The following KIRREL3 variants were observed in gnomAD, a reference collection of about 807,000 sequenced individuals.
KIRREL3 encodes the protein kirre like nephrin family adhesion molecule 3, also known as kin of IRRE-like protein 3.
A neutral mutation model predicts 89.7 loss-of-function variants in KIRREL3; 36 were observed. The ratio of observed to expected loss-of-function variants is 0.40; its 90% CI spans 0.31 to 0.53. KIRREL3 has a LOEUF of 0.53. Ranked by LOEUF, KIRREL3 falls within the 20% of genes least tolerant of loss-of-function variation. The pLI is 0.49. For missense variants in KIRREL3, 864 were observed against 1,056.6 expected (o/e 0.82, Z 2.53); for synonymous variants, 445 against 441.4 (o/e 1.01, Z -0.10).
rs550796501 is a variant in KIRREL3 at position 126,797,949 on chromosome 11, G to A, written c.55+202506C>T. ...TATGGACACTGCAAAGTAACACATGGGCTGTTTGTGCTTTTGCTAACTCCT... is the reference window on the plus strand; with the variant it reads ...TATGGACACTGCAAAGTAACACATGAGCTGTTTGTGCTTTTGCTAACTCCT... On this transcript the variant is annotated intron_variant, in intron 1 of 16. Transcript: ENST00000525144. The surrounding 1 kb of genome is among the most constrained non-coding windows in gnomAD (Gnocchi z 4.9). 1.3e-5 allele frequency among the ~76,000 whole-genome samples: 2 copies of A among 152,278 alleles called. No homozygotes were observed. The highest frequency in any genetic ancestry group is 1.3e-4 in the Admixed American group (2 of 15,296).
In KIRREL3 at chr11:126,812,731, T is replaced by C. The variant is rs754329376; in HGVS notation, c.55+187724A>G. ...TTGTTGGGATGAGTGGCTCTGTCAC[T>C]CTTTCACTGAGACCAAGGCTCAGGC... On this transcript the variant is annotated intron_variant, in intron 1 of 16. Transcript: ENST00000525144. The surrounding 1 kb of genome is among the most constrained non-coding windows in gnomAD (Gnocchi z 5.2). 1.3e-5 allele frequency among the ~76,000 whole-genome samples: 2 copies of C among 152,208 alleles called. No individual in the cohort carries two copies. The highest frequency in any genetic ancestry group is 4.8e-5 in the African/African-American group (2 of 41,448).
intron 1 of KIRREL3, among the ~76,000 whole-genome samples, chr11:126,633,326 C>T (rs548717460): frequency 6.6e-6 from 1 of 152,188 alleles, no homozygotes; most frequent in African/African-American, 2.4e-5. Context: ...CAAGTCTGCA[C>T]ACCTATCTCA....
rs1265276506 is a variant in KIRREL3 at position 126,953,800 on chromosome 11, T to C, written c.55+46655A>G. Reference sequence around the variant, plus strand: ...TCAGAGGTCTCTCAAACAGCTTTTCTGATATACTGTTTTTATATAAATTCT... The same window carrying C: ...TCAGAGGTCTCTCAAACAGCTTTTCCGATATACTGTTTTTATATAAATTCT... On this transcript the variant is annotated intron_variant, in intron 1 of 16. Transcript: ENST00000525144. This position sits in a 1 kb window ranked among gnomAD's most constrained non-coding sequence, Gnocchi z 5.2. 6.6e-6 allele frequency among the ~76,000 whole-genome samples: 1 copy of C among 152,230 alleles called. No homozygotes were observed. The highest frequency in any genetic ancestry group is 1.5e-5 in the Non-Finnish European group (1 of 68,034).
At chr11:126,962,568 A>G (rs1052622156) in intron 1 of KIRREL3, among the ~76,000 whole-genome samples, 1 of 152,214 alleles carries the variant, frequency 6.6e-6, no homozygotes, top group Non-Finnish European at 1.5e-5. Flanking sequence ...CTCAGTGCAG[A>G]TGCTATAAAC....
At position 126,918,418 on chromosome 11, in the gene KIRREL3, G is replaced by T. The variant is rs987060225; in HGVS notation, c.55+82037C>A. 6.6e-6 allele frequency among the ~76,000 whole-genome samples: 1 copy of T among 152,226 alleles called. No homozygotes were observed. Among genetic ancestry groups the T allele is most frequent in the Non-Finnish European group, 1.5e-5 (1 of 68,028 alleles). ...TTTAGACCATCCAGGTAGTTTTAGC[G>T]TAAGGAGTGAAGTCTTTGTAAACTA... On this transcript the variant is annotated intron_variant, in intron 1 of 16. Coordinates refer to ENST00000525144, the MANE Select transcript of KIRREL3 (RefSeq NM_032531.4). The surrounding 1 kb of genome is among the most constrained non-coding windows in gnomAD (Gnocchi z 6.5).
chr11:126,540,204 T>A (rs568068942), intron 2 of KIRREL3, among the ~76,000 whole-genome samples: 1 of 152,238 alleles, frequency 6.6e-6, no homozygotes. Flanking sequence ...CATCGCCACC[T>A]GCAGCCATTG....
At chr11:126,470,698 G>C (rs576113582) in intron 5 of KIRREL3, among the ~76,000 whole-genome samples, 5 of 152,312 alleles carry the variant, frequency 3.3e-5, no homozygotes, top group African/African-American at 1.2e-4. Flanking sequence ...CGGGCGTTCT[G>C]GAGGCTGGGC....
intron 1 of KIRREL3, among the ~76,000 whole-genome samples, chr11:126,856,168 G>A (rs1944499800): frequency 6.6e-6 from 1 of 152,116 alleles, no homozygotes; most frequent in Non-Finnish European, 1.5e-5. Flanking sequence ...AAAGGCTCTG[G>A]AAAATTCCAC....
chr11:126,961,310 T>C (rs1949079570), intron 1 of KIRREL3, among the ~76,000 whole-genome samples: 1 of 152,206 alleles, frequency 6.6e-6, no homozygotes, highest in Non-Finnish European at 1.5e-5. Flanking sequence ...TCAGCCAAGT[T>C]GTGAATGCAA....
At chr11:126,794,074 T>C (rs1196297240) in intron 1 of KIRREL3, among the ~76,000 whole-genome samples, 4 of 152,240 alleles carry the variant, frequency 2.6e-5, no homozygotes, top group Non-Finnish European at 1.5e-5. Context: ...GAAAATATTA[T>C]AGTATGCTTT....
chr11:126,616,034 C>T (rs1943331850), intron 1 of KIRREL3, among the ~76,000 whole-genome samples: 1 of 152,140 alleles, frequency 6.6e-6, no homozygotes, highest in African/African-American at 2.4e-5. Flanking sequence ...TGTCCGTTCA[C>T]TTCACATAGA....
In KIRREL3 at chr11:126,703,453, T is replaced by C. The variant is rs769188246; in HGVS notation, c.56-140541A>G. Among the ~76,000 whole-genome samples, 9 of 152,232 alleles carry C rather than the reference T, an allele frequency of 5.9e-5. No homozygotes were observed. The highest frequency in any genetic ancestry group is 1.0e-4 in the Non-Finnish European group (7 of 68,044). ...ATGTGCCAGGCTCTGTGCTAAGTGCTTTACATTTTATCCTCCCCTCCACCC... is the reference window on the plus strand; with the variant it reads ...ATGTGCCAGGCTCTGTGCTAAGTGCCTTACATTTTATCCTCCCCTCCACCC... On this transcript the variant is annotated intron_variant, in intron 1 of 16. Transcript: ENST00000525144. The surrounding 1 kb of genome is among the most constrained non-coding windows in gnomAD (Gnocchi z 4.6).
chr11:126,906,552 C>A lies in KIRREL3; in HGVS notation c.55+93903G>T, dbSNP rs938476440. Among the ~76,000 whole-genome samples the A allele has an allele frequency of 2.0e-5, 3 of 152,166 alleles. No homozygotes were observed. The highest frequency in any genetic ancestry group is 6.5e-5 in the Admixed American group (1 of 15,276). On this transcript the variant is annotated intron_variant, in intron 1 of 16. Transcript: ENST00000525144. This position sits in a 1 kb window ranked among gnomAD's most constrained non-coding sequence, Gnocchi z 4.1. ...CTCCAGCAGAGAAGTGGATAGGGAC[C>A]CCCCTGCCATGAAAAACAGCGTTGT... is the stretch of plus-strand genomic sequence containing the variant.
chr11:126,887,826 G>A (rs528712305), intron 1 of KIRREL3, among the ~76,000 whole-genome samples: 3 of 152,300 alleles, frequency 2.0e-5, no homozygotes, highest in East Asian at 1.9e-4. Context: ...GAAGATAGGC[G>A]TAACCTTCAG....
rs1166403271 is a variant in KIRREL3, at chr11:126,990,547, T to C, written c.55+9908A>G. 1.3e-5 allele frequency among the ~76,000 whole-genome samples: 2 copies of C among 152,200 alleles called. No homozygotes were observed. Among genetic ancestry groups the C allele is most frequent in the African/African-American group, 4.8e-5 (2 of 41,456 alleles). ...AGGTTCAGGGCTTTGCAAGCGCTGC[T>C]GCTGCCACCATCAGGCTGACTGAGG... On this transcript the variant is annotated intron_variant, in intron 1 of 16. Transcript: ENST00000525144. This position sits in a 1 kb window ranked among gnomAD's most constrained non-coding sequence, Gnocchi z 6.3.
chr11:126,820,132 C>A (rs551496804), intron 1 of KIRREL3, among the ~76,000 whole-genome samples: 1 of 152,104 alleles, frequency 6.6e-6, no homozygotes, highest in Non-Finnish European at 1.5e-5. Context: ...GAAAAATCCC[C>A]CTGCCCCATT....
chr11:126,996,510 GA>G lies in KIRREL3; in HGVS notation c.55+3944del, dbSNP rs1261156657. On this transcript the variant is annotated intron_variant, in intron 1 of 16. Coordinates refer to ENST00000525144, the MANE Select transcript of KIRREL3 (RefSeq NM_032531.4). This position sits in a 1 kb window ranked among gnomAD's most constrained non-coding sequence, Gnocchi z 4.7. ...AACTCCTTGCTAGTTCAAGCCTCTT[GA>G]AGTGGCTCCTCCTTTTCCATGCTTC... Among the ~76,000 whole-genome samples, 3 of 152,116 alleles carry G rather than the reference GA, an allele frequency of 2.0e-5. No homozygotes were observed. The highest frequency in any genetic ancestry group is 7.2e-5 in the African/African-American group (3 of 41,412).
At chr11:126,600,208 C>T (rs1360982836) in intron 1 of KIRREL3, among the ~76,000 whole-genome samples, 1 of 152,188 alleles carries the variant, frequency 6.6e-6, no homozygotes, top group African/African-American at 2.4e-5. Context: ...CTCAATCCAA[C>T]AGCCTACAAG....
intron 6 of KIRREL3, among the ~76,000 whole-genome samples, chr11:126,457,370 C>T (rs544041251): frequency 6.7e-5 from 10 of 149,692 alleles, no homozygotes; most frequent in East Asian, 3.9e-4. Flanking sequence ...TGTGTGTATG[C>T]GTGTATGTGT....
Sources: gnomAD v4.1 joint callset for allele counts (sites outside exome capture counted in the v4.1 genomes callset) on GRCh38, gnomAD v4.1.1 for gene constraint, Gnocchi (gnomAD v3.1) non-coding constraint, MANE v1.5 for transcripts, NCBI Gene and HGNC (gene_info 2026-07-23, HGNC 2026-07-21) for gene names.